Variants in C15orf40 observed in about 807,000 individuals in gnomAD.
The protein encoded by C15orf40 is chromosome 15 open reading frame 40.
C15orf40 carries 9 observed loss-of-function variants against 13.9 expected under a neutral mutation model. The observed-to-expected ratio is 0.65, with a 90% CI of 0.39 to 1.13. The LOEUF is 1.13. C15orf40 is among the 50% of genes most tolerant of loss of function. The probability of loss-of-function intolerance (pLI) is 0.01; values close to 1 mark genes in which losing one functional copy is unlikely to be tolerated. For synonymous variants in C15orf40, 95 were observed against 69.2 expected (o/e 1.37, Z -1.85); for missense variants, 225 against 188.5 (o/e 1.19, Z -1.13).
rs1210451273 is a variant in C15orf40 at position 83,004,478 on chromosome 15, T to C, written c.*1119A>G. The C allele has an allele frequency of 2.5e-6, 2 of 802,178 alleles. No homozygotes were observed. The highest frequency in any genetic ancestry group is 1.2e-4 in the Admixed American group (2 of 16,036). 49.7% of individuals were successfully genotyped at this position (802,178 alleles called of 1,614,324 possible). A position where few individuals can be genotyped will look rare whatever the true frequency, so the allele number is the denominator to read the frequency against. On this transcript the variant is annotated 3_prime_UTR_variant, in exon 4 of 4. Coordinates refer to ENST00000304177, the MANE Select transcript of C15orf40 (RefSeq NM_144597.3). ...AAGATGTAAAAATATATTATTAGCT[T>C]TTGAAACTTTAATATAGATGTAATT...
rs554913052 is a variant in C15orf40 at position 83,001,126 on chromosome 15, A to C, written c.*4471T>G. On this transcript the variant is annotated 3_prime_UTR_variant, in exon 4 of 4. Transcript: ENST00000304177. ...CTGCACTGGCCTAGGTGTGCACTGCAAAGGTTCCACCTTCATCCTCTGGTT... is the reference window on the plus strand; with the variant it reads ...CTGCACTGGCCTAGGTGTGCACTGCCAAGGTTCCACCTTCATCCTCTGGTT... The C allele has an allele frequency of 3.0e-6, 3 of 985,504 alleles. No individual in the cohort carries two copies. The highest frequency in any genetic ancestry group is 3.6e-6 in the Non-Finnish European group (3 of 829,962). The allele number at this position is 985,504 out of a possible 1,614,324, so 61.0% of individuals were successfully genotyped here. A position where few individuals can be genotyped will look rare whatever the true frequency, so the allele number is the denominator to read the frequency against.
chr15:82,991,330 G>C (rs749597929), downstream of C15orf40, among the ~76,000 whole-genome samples: 52 of 151,962 alleles, frequency 3.4e-4, no homozygotes, highest in Non-Finnish European at 6.2e-4. Flanking sequence ...GGATCACTTG[G>C]GGTCAGGAGT....
rs781400072 is a variant in C15orf40 at position 83,011,553 on chromosome 15, C to T, written c.55G>A (p.Gly19Ser). Residue 19 changes from glycine to serine, a missense_variant, in exon 1 of 4, where the codon GGC (glycine) becomes AGC (serine). By Grantham distance (56) the Gly-to-Ser change is moderately conservative. Transcript: ENST00000304177. ...TCGGCGCAAAGAAGCCGAGCGGAGC[C>T]CCGAGTATTGGGTGTTGCCCGAAGG... The part of the protein sequence containing the change: ...RHLRATPNTR[G>S]SARLLCAEMP... 9.3e-6 allele frequency: 15 copies of T among 1,606,876 alleles called. No individual in the cohort carries two copies. In the South Asian group the frequency reaches 1.6e-4, roughly 18 times the overall value.
chr15:83,004,102 C>A lies in C15orf40; in HGVS notation c.*1495G>T, dbSNP rs1189101208. 9.9e-5 allele frequency: 15 copies of A among 151,866 alleles called. No individual in the cohort carries two copies. Among genetic ancestry groups the A allele is most frequent in the Admixed American group, 9.2e-4 (14 of 15,216 alleles). 9.4% of individuals were successfully genotyped at this position (151,866 alleles called of 1,614,324 possible). On this transcript the variant is annotated 3_prime_UTR_variant, in exon 4 of 4. Coordinates refer to ENST00000304177, the MANE Select transcript of C15orf40 (RefSeq NM_144597.3). ...TAATCTTACATATAAATATATATAT[C>A]TATGTATAAAATCTATCTATGTATA...
At position 83,006,473 on chromosome 15, in the gene C15orf40, T is replaced by C. The variant is rs1016260531; in HGVS notation, c.367-781A>G. 9 of 985,042 alleles carry C rather than the reference T, an allele frequency of 9.1e-6. No homozygotes were observed. In the African/African-American group the frequency reaches 1.6e-4, roughly 17 times the overall value. The allele number at this position is 985,042 out of a possible 1,614,324, so 61.0% of individuals were successfully genotyped here. A position where few individuals can be genotyped will look rare whatever the true frequency, so the allele number is the denominator to read the frequency against. ...AACCACTTAAAACTTTAAAAAGGAT[T>C]TGTTGGCCAGGTGTGGTGGCTCACA... On this transcript the variant is annotated intron_variant, in intron 3 of 3. Coordinates refer to ENST00000304177, the MANE Select transcript of C15orf40 (RefSeq NM_144597.3).
chr15:83,008,814 TTAAAC>T (rs1234683620), intron 2 of C15orf40, 139 bp from the exon 3 acceptor site: 9 of 955,822 alleles, frequency 9.4e-6, no homozygotes, highest in African/African-American at 3.3e-5. Context: ...AAATGAATGA[TTAAAC>T]TAATCACATT....
chr15:82,999,558 G>A lies in C15orf40; in HGVS notation c.*6039C>T, dbSNP rs1435763555. ...AGTGCTCAATAGCCACATGTGGTGT[G>A]AGCAGCTATCACGTGTACATGCCAC... is the stretch of plus-strand genomic sequence containing the variant. On this transcript the variant is annotated 3_prime_UTR_variant, in exon 4 of 4. Transcript: ENST00000304177. 2 of 152,144 alleles carry A rather than the reference G, an allele frequency of 1.3e-5. No homozygotes were observed. Among genetic ancestry groups the A allele is most frequent in the African/African-American group, 4.8e-5 (2 of 41,424 alleles). 9.4% of individuals were successfully genotyped at this position (152,144 alleles called of 1,614,324 possible). A position where few individuals can be genotyped will look rare whatever the true frequency, so the allele number is the denominator to read the frequency against.
At chr15:83,006,248 A>G in intron 3 of C15orf40, 1 of 555,026 alleles carries the variant, frequency 1.8e-6, no homozygotes, top group Non-Finnish European at 2.3e-6. Context: ...AAAAAAATCT[A>G]AAAAATGATA....
downstream of C15orf40, among the ~76,000 whole-genome samples, chr15:82,991,697 G>A (rs548002310): frequency 3.3e-5 from 5 of 151,516 alleles, no homozygotes; most frequent in East Asian, 7.7e-4. Context: ...CCATCCTCTC[G>A]GGTAACTGTT....
rs2031530944 is a variant in C15orf40 at position 83,003,793 on chromosome 15, G to A, written c.*1804C>T. The A allele has an allele frequency of 6.6e-6, 1 of 152,202 alleles. No individual in the cohort carries two copies. Among genetic ancestry groups the A allele is most frequent in the African/African-American group, 2.4e-5 (1 of 41,412 alleles). The allele number at this position is 152,202 out of a possible 1,614,324, so 9.4% of individuals were successfully genotyped here. ...ACGGAGTCTCACTCTTGTCGCCGAG[G>A]CTGGAGTGCAGTGGCACCGTGTGGG... On this transcript the variant is annotated 3_prime_UTR_variant, in exon 4 of 4. Transcript: ENST00000304177.
downstream of C15orf40, chr15:82,991,988 G>T: frequency 1.8e-6 from 2 of 1,129,058 alleles, no homozygotes; most frequent in Non-Finnish European, 2.4e-6. Context: ...GGCCGAGGCG[G>T]GAAGATCACT....
At chr15:83,008,524 A>T (rs748683890) in intron 3 of C15orf40, 24 bp downstream of exon 3, 1 of 1,610,728 alleles carries the variant, frequency 6.2e-7, no homozygotes, top group Non-Finnish European at 8.5e-7. Context: ...GTCTCAAAAA[A>T]AAAAAAAAGA....
intron 3 of C15orf40, among the ~76,000 whole-genome samples, chr15:83,007,099 A>C (rs570612930): frequency 6.6e-6 from 1 of 152,220 alleles, no homozygotes; most frequent in Non-Finnish European, 1.5e-5. Context: ...ATTCTATTTC[A>C]AGAAGCCTAG....
chr15:83,001,068 C>T lies in C15orf40; in HGVS notation c.*4529G>A. 5 of 974,186 alleles carry T rather than the reference C, an allele frequency of 5.1e-6. No individual in the cohort carries two copies. Among genetic ancestry groups the T allele is most frequent in the Non-Finnish European group, 6.1e-6 (5 of 819,664 alleles). The allele number at this position is 974,186 out of a possible 1,614,324, so 60.3% of individuals were successfully genotyped here. The stretch of plus-strand genomic sequence containing the variant: ...CTTCAAGTGATCCACCCGCCTCAGC[C>T]TCCCAAAGTGCTGGGATTACAGGCA... On this transcript the variant is annotated 3_prime_UTR_variant, in exon 4 of 4. Transcript: ENST00000304177.
chr15:83,010,482 AG>A (rs2031940403), intron 1 of C15orf40, 119 bp from the exon 2 acceptor site: 3 of 1,226,524 alleles, frequency 2.4e-6, no homozygotes, highest in East Asian at 4.7e-5. Flanking sequence ...AGTGGTGTCC[AG>A]GGACTTCTGG....
downstream of C15orf40, chr15:82,989,853 A>G: frequency 6.2e-7 from 1 of 1,606,450 alleles, no homozygotes; most frequent in South Asian, 1.1e-5. Flanking sequence ...AGGGAAGTTT[A>G]AAGATCTTTT....
chr15:82,991,006 A>G (rs1444337635), downstream of C15orf40: 5 of 182,328 alleles, frequency 2.7e-5, no homozygotes, highest in East Asian at 6.7e-4. Context: ...GATTATTACA[A>G]TGATTTCATT....
rs1256216038 is a variant in C15orf40 at position 83,004,678 on chromosome 15, TTTTTC to T, written c.*914_*918del. 5 of 916,032 alleles carry T rather than the reference TTTTTC, an allele frequency of 5.5e-6. No individual in the cohort carries two copies. Among genetic ancestry groups the T allele is most frequent in the Non-Finnish European group, 6.5e-6 (5 of 764,338 alleles). The allele number at this position is 916,032 out of a possible 1,614,324, so 56.7% of individuals were successfully genotyped here. Reference sequence around the variant, plus strand: ...ATTCACATTTAATTACAAGTCATGATTTTTCTTTACTTTTTCAACAAAATGGTAAA... The same window carrying T: ...ATTCACATTTAATTACAAGTCATGATTTTACTTTTTCAACAAAATGGTAAA... On this transcript the variant is annotated 3_prime_UTR_variant, in exon 4 of 4. Coordinates refer to ENST00000304177, the MANE Select transcript of C15orf40 (RefSeq NM_144597.3).
At chr15:83,009,871 G>C (rs1047733108) in intron 2 of C15orf40, among the ~76,000 whole-genome samples, 1 of 152,118 alleles carries the variant, frequency 6.6e-6, no homozygotes, top group Non-Finnish European at 1.5e-5. Context: ...CCTCTCCTTA[G>C]GCCAGTGATC....
Sources: gnomAD v4.1 joint callset for allele counts (sites outside exome capture counted in the v4.1 genomes callset) on GRCh38, gnomAD v4.1.1 for gene constraint, MANE v1.5 for transcripts, NCBI Gene and HGNC (gene_info 2026-07-23, HGNC 2026-07-21) for gene names.